Variants in USP49 observed in about 807,000 individuals in gnomAD.
The protein encoded by USP49 is ubiquitin carboxyl-terminal hydrolase 49.
Under a neutral mutation model 58.6 loss-of-function variants are expected in USP49, and 24 were observed. The observed-to-expected ratio is 0.41, with a 90% CI of 0.30 to 0.58. The LOEUF is 0.58. Ranked by LOEUF, USP49 falls within the 20% of genes least tolerant of loss-of-function variation. USP49 has a pLI of 0.30. For synonymous variants in USP49, 408 were observed against 365.1 expected (o/e 1.12, Z -1.34); for missense variants, 703 against 866.1 (o/e 0.81, Z 2.36).
At chr6:41,802,464 A>AT (rs1272102736) in intron 5 of USP49, among the ~76,000 whole-genome samples, 1,170 of 73,642 alleles carry the variant, frequency 0.016, 66 homozygotes, top group African/African-American at 0.051. Context: ...TTATTTATTT[A>AT]TTTATTTTTT....
At chr6:41,801,982 ATATTCTTTTGTTCCT>A (rs1773004690) in intron 5 of USP49, among the ~76,000 whole-genome samples, 1 of 152,048 alleles carries the variant, frequency 6.6e-6, no homozygotes, top group Non-Finnish European at 1.5e-5. Context: ...AAAGCTGTTA[ATATTCTTTTGTTCCT>A]TACAAGTAAA....
intron 3 of USP49, among the ~76,000 whole-genome samples, chr6:41,836,410 A>G (rs1164831800): frequency 1.3e-5 from 2 of 152,188 alleles, no homozygotes; most frequent in East Asian, 1.9e-4. Context: ...CCCACAGCCA[A>G]CATCATACGG....
At chr6:41,810,147 G>A (rs1050999703) in intron 3 of USP49, among the ~76,000 whole-genome samples, 9 of 149,998 alleles carry the variant, frequency 6.0e-5, no homozygotes, top group Non-Finnish European at 1.2e-4. Flanking sequence ...GCAAGACTCC[G>A]TCTCAAAAAA....
intron 3 of USP49, among the ~76,000 whole-genome samples, chr6:41,849,852 G>A (rs953204652): frequency 4.6e-5 from 7 of 151,834 alleles, no homozygotes; most frequent in African/African-American, 9.7e-5. Context: ...ATGATCCACC[G>A]CTTCGACCTC....
rs1772814374 is a variant in USP49 at position 41,792,451 on chromosome 6, C to T, written c.*4082G>A. ...TTCTCAACATTTGTGCTCTCCCAACCACCTGGGAAAGCAACCCTTCCACTC... is the reference window on the plus strand; with the variant it reads ...TTCTCAACATTTGTGCTCTCCCAACTACCTGGGAAAGCAACCCTTCCACTC... On this transcript the variant is annotated 3_prime_UTR_variant, in exon 8 of 8. Coordinates refer to ENST00000682992, the MANE Select transcript of USP49 (RefSeq NM_001286554.2). The T allele has an allele frequency of 6.6e-6, 1 of 152,204 alleles. No individual in the cohort carries two copies. The highest frequency in any genetic ancestry group is 1.5e-5 in the Non-Finnish European group (1 of 68,044). The allele number at this position is 152,204 out of a possible 1,614,324, so 9.4% of individuals were successfully genotyped here. A position where few individuals can be genotyped will look rare whatever the true frequency, so the allele number is the denominator to read the frequency against.
At chr6:41,867,839 G>A (rs1017202909) in intron 3 of USP49, among the ~76,000 whole-genome samples, 8 of 152,126 alleles carry the variant, frequency 5.3e-5, no homozygotes, top group African/African-American at 7.2e-5. Context: ...TACTATAAAT[G>A]ATTCATAATG....
chr6:41,881,573 A>C (rs931768062), intron 2 of USP49, among the ~76,000 whole-genome samples: 1 of 152,144 alleles, frequency 6.6e-6, no homozygotes, highest in African/African-American at 2.4e-5. Context: ...AAACAAAATC[A>C]AAGTATTTGG....
intron 1 of USP49, chr6:41,894,028 C>T (rs896774011): frequency 2.6e-5 from 4 of 152,414 alleles, no homozygotes; most frequent in African/African-American, 7.3e-5. Flanking sequence ...TGGAGCAACT[C>T]CCCATAACAC....
rs563599361 is a variant in USP49, at chr6:41,797,943, T to C, written c.1876+781A>G. 4.7e-4 allele frequency: 243 copies of C among 512,992 alleles called. 2 individuals carry two copies. The highest frequency in any genetic ancestry group is 9.5e-5 in the Non-Finnish European group (38 of 398,302). 31.8% of individuals were successfully genotyped at this position (512,992 alleles called of 1,614,324 possible). Reference sequence around the variant, plus strand: ...AATGCAGTGGTGAAATCATAGCTCATTGCAACTTCAAACTCCTGGGCTTGA... The same window carrying C: ...AATGCAGTGGTGAAATCATAGCTCACTGCAACTTCAAACTCCTGGGCTTGA... On this transcript the variant is annotated intron_variant, in intron 7 of 7. Transcript: ENST00000682992.
chr6:41,869,767 T>G (rs1774382996), intron 3 of USP49: 1 of 151,608 alleles, frequency 6.6e-6, no homozygotes, highest in African/African-American at 2.4e-5. Flanking sequence ...CAAAATAGAT[T>G]GACAGAAACA....
At chr6:41,847,097 G>A (rs917824898) in intron 3 of USP49, among the ~76,000 whole-genome samples, 9 of 152,196 alleles carry the variant, frequency 5.9e-5, no homozygotes, top group Admixed American at 3.3e-4. Context: ...TTTGTTTTAA[G>A]TGCTTAAAGC....
intron 2 of USP49, among the ~76,000 whole-genome samples, chr6:41,881,327 TAGA>T (rs1269069258): frequency 3.3e-5 from 2 of 61,118 alleles, no homozygotes; most frequent in Non-Finnish European, 6.4e-5. Context: ...AAAGCCCAGC[TAGA>T]AGAATAGAAA....
chr6:41,850,639 T>C (rs1774011201), intron 3 of USP49, among the ~76,000 whole-genome samples: 1 of 150,980 alleles, frequency 6.6e-6, no homozygotes, highest in African/African-American at 2.4e-5. Context: ...AGAGTCTCAT[T>C]CTGTTGCCAG....
chr6:41,831,865 A>T (rs1773641569), intron 3 of USP49, among the ~76,000 whole-genome samples: 1 of 152,194 alleles, frequency 6.6e-6, no homozygotes, highest in Non-Finnish European at 1.5e-5. Context: ...CCAAACAACC[A>T]GATGGACTGG....
chr6:41,819,471 A>G (rs1192174349), intron 3 of USP49, among the ~76,000 whole-genome samples: 1 of 152,184 alleles, frequency 6.6e-6, no homozygotes, highest in Non-Finnish European at 1.5e-5. Context: ...TTAAAAAAAT[A>G]CATACATATA....
At chr6:41,844,757 A>T (rs1393954914) in intron 3 of USP49, among the ~76,000 whole-genome samples, 1 of 115,242 alleles carries the variant, frequency 8.7e-6, no homozygotes, top group East Asian at 2.5e-4. Context: ...CTATTTCTTT[A>T]TGAATTATGG....
At chr6:41,866,054 T>G (rs1045568479) in intron 3 of USP49, among the ~76,000 whole-genome samples, 2 of 150,868 alleles carry the variant, frequency 1.3e-5, no homozygotes, top group Admixed American at 6.7e-5. Context: ...CCCAAGTAGC[T>G]GGGACTACAG....
intron 3 of USP49, among the ~76,000 whole-genome samples, chr6:41,864,908 A>T (rs1774283595): frequency 6.6e-6 from 1 of 152,178 alleles, no homozygotes; most frequent in Admixed American, 6.5e-5. Context: ...ACTCTATTAA[A>T]TAAATTACAG....
At chr6:41,835,646 G>A (rs372373702) in intron 3 of USP49, among the ~76,000 whole-genome samples, 4 of 151,854 alleles carry the variant, frequency 2.6e-5, no homozygotes, top group East Asian at 1.9e-4. Flanking sequence ...CCCAAGAGGC[G>A]GAGGTTGCAG....
Sources: allele counts gnomAD v4.1 joint callset (sites outside exome capture counted in the v4.1 genomes callset), GRCh38; gene constraint gnomAD v4.1.1; transcripts MANE v1.5; gene names NCBI Gene and HGNC (gene_info 2026-07-23, HGNC 2026-07-21).